The following BRF1 variants were observed in gnomAD, a reference collection of about 807,000 sequenced individuals.
BRF1 encodes BRF1 general transcription factor IIIB subunit.
Under a neutral mutation model 81.7 loss-of-function variants are expected in BRF1, and 59 were observed. The observed-to-expected ratio is 0.72, with a 90% CI of 0.59 to 0.90. The LOEUF (loss-of-function observed/expected upper bound fraction) is 0.90. Among genes scored for constraint, BRF1 ranks in the 40% least tolerant of loss-of-function variants. BRF1 has a pLI of 0.00. For missense variants in BRF1, 1,050 were observed against 936.3 expected (o/e 1.12, Z -1.58); for synonymous variants, 491 against 395.6 (o/e 1.24, Z -2.86).
intron 1 of BRF1, among the ~76,000 whole-genome samples, chr14:105,290,349 G>A (rs2057468283): frequency 6.6e-6 from 1 of 152,156 alleles, no homozygotes; most frequent in African/African-American, 2.4e-5. Flanking sequence ...AACCTGGGAG[G>A]CAGAGGTTGT....
Position 105,300,670 on chromosome 14 carries a change from T to C in BRF1, c.-41A>G. Reference sequence around the variant, plus strand: ...GGCAGCGCCCGGAGCCTCCCAAGACTCTCAAGCCACCCGAGCCTCCGGAGC... The same window carrying C: ...GGCAGCGCCCGGAGCCTCCCAAGACCCTCAAGCCACCCGAGCCTCCGGAGC... On this transcript the variant is annotated 5_prime_UTR_variant, in exon 1 of 18. Coordinates refer to ENST00000547530, the MANE Select transcript of BRF1 (RefSeq NM_001519.4). 7.8e-7 allele frequency: 1 copy of C among 1,287,170 alleles called. No homozygotes were observed. The highest frequency in any genetic ancestry group is 9.8e-7 in the Non-Finnish European group (1 of 1,023,260). 79.7% of individuals were successfully genotyped at this position (1,287,170 alleles called of 1,614,324 possible). A position where few individuals can be genotyped will look rare whatever the true frequency, so the allele number is the denominator to read the frequency against.
chr14:105,312,368 G>A (rs922618813), intron 1 of BRF1, among the ~76,000 whole-genome samples: 1 of 152,172 alleles, frequency 6.6e-6, no homozygotes, highest in Non-Finnish European at 1.5e-5. Flanking sequence ...CGGGGACCCC[G>A]GGCAGCACGT....
chr14:105,282,596 C>T (rs2057152308), intron 2 of BRF1, among the ~76,000 whole-genome samples: 1 of 152,110 alleles, frequency 6.6e-6, no homozygotes, highest in South Asian at 2.1e-4. Flanking sequence ...ACAAACATAA[C>T]CCATGATAAA....
At chr14:105,258,590 G>C (rs1270704509) in intron 3 of BRF1, among the ~76,000 whole-genome samples, 1 of 151,650 alleles carries the variant, frequency 6.6e-6, no homozygotes, top group Non-Finnish European at 1.5e-5. Context: ...CTGAGGTCAG[G>C]AGTTTGAGAC....
Position 105,240,921 on chromosome 14 carries a change from G to C in BRF1, c.694+344C>G, listed in dbSNP as rs587750800. On this transcript the variant is annotated intron_variant, in intron 6 of 17. Coordinates refer to ENST00000547530, the MANE Select transcript of BRF1 (RefSeq NM_001519.4). ...GGAGCAACAACCTAGCATCTCAGGA[G>C]AGAGAGGCCACACCACTGTCCGCGT... Among the ~76,000 whole-genome samples the C allele has an allele frequency of 1.0e-3, 154 of 148,388 alleles. 3 individuals carry two copies. The highest frequency in any genetic ancestry group is 3.9e-3 in the African/African-American group (146 of 37,832).
chr14:105,265,060 T>TG (rs1452840298), intron 3 of BRF1, among the ~76,000 whole-genome samples: 2 of 146,544 alleles, frequency 1.4e-5, no homozygotes, highest in Admixed American at 6.7e-5. Context: ...TTTTGTTTTT[T>TG]TTTTGTTTGT....
intron 5 of BRF1, chr14:105,247,630 G>A (rs1364395810): frequency 2.0e-6 from 2 of 985,196 alleles, no homozygotes; most frequent in Non-Finnish European, 2.4e-6. Context: ...CCAGGACTGC[G>A]GTGACAGGTG....
At chr14:105,280,046 A>G (rs752518487) in intron 2 of BRF1, among the ~76,000 whole-genome samples, 1 of 152,222 alleles carries the variant, frequency 6.6e-6, no homozygotes, top group Non-Finnish European at 1.5e-5. Context: ...TACAAAACTC[A>G]GCATACTCTC....
chr14:105,252,715 G>A lies in BRF1; in HGVS notation c.472-136C>T, dbSNP rs587680773. On this transcript the variant is annotated intron_variant, in intron 4 of 17. Coordinates refer to ENST00000547530, the MANE Select transcript of BRF1 (RefSeq NM_001519.4). ...TGGAGCAGCCACCCCACACCCGCAA[G>A]CCTGGCTGGCCTCCCTTGGCTGCTG... The A allele has an allele frequency of 1.8e-5, 16 of 894,684 alleles. No individual in the cohort carries two copies. The South Asian group carries it at 2.9e-4, about 16-fold the overall frequency. 55.4% of individuals were successfully genotyped at this position (894,684 alleles called of 1,614,324 possible).
At chr14:105,270,301 G>A (rs1250378834) in intron 3 of BRF1, among the ~76,000 whole-genome samples, 1 of 151,698 alleles carries the variant, frequency 6.6e-6, no homozygotes, top group Non-Finnish European at 1.5e-5. Flanking sequence ...AGCCTCCCGA[G>A]TAGCTGGGAC....
At chr14:105,255,096 A>G (rs2055804912) in intron 4 of BRF1, among the ~76,000 whole-genome samples, 1 of 152,154 alleles carries the variant, frequency 6.6e-6, no homozygotes, top group Non-Finnish European at 1.5e-5. Flanking sequence ...GGTCTGCCCT[A>G]AGGCAGGGAT....
rs1180218794 is a variant in BRF1, at chr14:105,210,896, G to A, written c.1996+226C>T. On this transcript the variant is annotated intron_variant, in intron 17 of 17. Transcript: ENST00000547530. This position sits in a 1 kb window ranked among gnomAD's most constrained non-coding sequence, Gnocchi z 4.7. ...GGGAACCTCGTGCTGCTGGCTGGGC[G>A]GCCCTCGTGGTGGGTACCTCACCGT... 6.6e-6 allele frequency among the ~76,000 whole-genome samples: 1 copy of A among 152,148 alleles called. No individual in the cohort carries two copies. The highest frequency in any genetic ancestry group is 6.5e-5 in the Admixed American group (1 of 15,276).
rs2057982748 is a variant in BRF1, at chr14:105,300,800, G to A, written c.-171C>T. 9.5e-6 allele frequency: 3 copies of A among 315,744 alleles called. No individual in the cohort carries two copies. The highest frequency in any genetic ancestry group is 2.7e-4 in the South Asian group (2 of 7,538). 19.6% of individuals were successfully genotyped at this position (315,744 alleles called of 1,614,324 possible). On this transcript the variant is annotated 5_prime_UTR_variant, in exon 1 of 18. Coordinates refer to ENST00000547530, the MANE Select transcript of BRF1 (RefSeq NM_001519.4). ...CAGATTCGCCGCGCGCGCCCGGGCC[G>A]CGCCGCCCGCAACGGCCGCGCCCGC... is the stretch of plus-strand genomic sequence containing the variant.
At chr14:105,228,618 G>C (rs1278194972) in intron 7 of BRF1, among the ~76,000 whole-genome samples, 1 of 152,012 alleles carries the variant, frequency 6.6e-6, no homozygotes, top group Non-Finnish European at 1.5e-5. Context: ...AGAAGGACTA[G>C]CAGGGAACTC....
chr14:105,211,219 G>C lies in BRF1; in HGVS notation c.1899C>G (p.Pro633=), dbSNP rs373154886. The C allele has an allele frequency of 1.9e-6, 3 of 1,611,248 alleles. No individual in the cohort carries two copies. The East Asian group carries it at 6.7e-5, about 36-fold the overall frequency. The change falls in exon 17 of 18, where the codon CCC becomes CCG. Residue 633 remains proline, a synonymous_variant. Coordinates refer to ENST00000547530, the MANE Select transcript of BRF1 (RefSeq NM_001519.4). ...CCTCCTCGTCGGCGTGGTATGACAC[G>C]GGCCCGCTCTCCACCAGCACCGCCT... ...RPQAVLVESG[P]VSYHADEEAD... is the part of the protein sequence containing the mutation.
At position 105,211,286 on chromosome 14, in the gene BRF1, A is replaced by G. The variant is rs775216395; in HGVS notation, c.1832T>C (p.Leu611Pro). ...AKKVATGEALLPSSPTLGAEP... is the reference protein window; with the variant it reads ...AKKVATGEALPPSSPTLGAEP... ...AGCTCCGAGGGTGGGAGAGCTTGGGAGCAAAGCCTGGAACGAAGTGGGGCT... is the reference window on the plus strand; with the variant it reads ...AGCTCCGAGGGTGGGAGAGCTTGGGGGCAAAGCCTGGAACGAAGTGGGGCT... The change falls in exon 17 of 18, where the codon CTC becomes CCC. Residue 611 changes from leucine (L) to proline (P), a missense_variant. Physicochemically the swap from Leu to Pro is moderately conservative, Grantham distance 98. Transcript: ENST00000547530. 1.3e-6 allele frequency: 2 copies of G among 1,597,114 alleles called. No individual in the cohort carries two copies. The highest frequency in any genetic ancestry group is 3.4e-5 in the Admixed American group (2 of 58,862).
chr14:105,250,726 T>C (rs2055556933), intron 5 of BRF1: 15 of 1,509,946 alleles, frequency 9.9e-6, no homozygotes, highest in Non-Finnish European at 4.5e-6. Flanking sequence ...GAAGTCAAGA[T>C]GCTAACTGCT....
At chr14:105,214,042 G>A (rs1009450607) in intron 15 of BRF1, among the ~76,000 whole-genome samples, 7 of 152,220 alleles carry the variant, frequency 4.6e-5, no homozygotes, top group African/African-American at 7.2e-5. Context: ...GATGTGGGGC[G>A]CTGCGGCCCA....
intron 6 of BRF1, among the ~76,000 whole-genome samples, chr14:105,229,606 C>T (rs587598908): frequency 8.5e-5 from 13 of 152,348 alleles, no homozygotes; most frequent in African/African-American, 2.6e-4. Context: ...CCTGGGGGGT[C>T]ACAGAGGTCC....
Sources: gnomAD v4.1 joint callset for allele counts (sites outside exome capture counted in the v4.1 genomes callset) on GRCh38, gnomAD v4.1.1 for gene constraint, Gnocchi (gnomAD v3.1) non-coding constraint, MANE v1.5 for transcripts, NCBI Gene and HGNC (gene_info 2026-07-23, HGNC 2026-07-21) for gene names.